SIPA1L2: variants seen among roughly 807,000 people sequenced by gnomAD.
The protein encoded by SIPA1L2 is signal induced proliferation associated 1 like 2, also known as signal-induced proliferation-associated 1-like protein 2.
SIPA1L2 carries 56 observed loss-of-function variants against 163.9 expected under a neutral mutation model. The observed-to-expected ratio is 0.34, with a 90% CI of 0.28 to 0.43. The LOEUF (loss-of-function observed/expected upper bound fraction) is 0.43. Ranked by LOEUF, SIPA1L2 falls within the 20% of genes least tolerant of loss-of-function variation. The probability of loss-of-function intolerance (pLI) is 1.00; values close to 1 mark genes in which losing one functional copy is unlikely to be tolerated. For missense variants in SIPA1L2, 1,974 were observed against 2,193.5 expected (o/e 0.90, Z 2.00); for synonymous variants, 877 against 865.7 (o/e 1.01, Z -0.23).
chr1:232,585,268 C>T (rs1660594378), intron 1 of SIPA1L2, among the ~76,000 whole-genome samples: 2 of 152,164 alleles, frequency 1.3e-5, no homozygotes, highest in Non-Finnish European at 2.9e-5. Flanking sequence ...CCAAAGATGA[C>T]AGTTCTATAA....
rs1447795099 is a variant in SIPA1L2, at chr1:232,465,531, C to T, written c.2244-115G>A. 4 of 848,006 alleles carry T rather than the reference C, an allele frequency of 4.7e-6. No homozygotes were observed. The Admixed American group carries it at 8.6e-5, about 18-fold the overall frequency. The allele number at this position is 848,006 out of a possible 1,614,324, so 52.5% of individuals were successfully genotyped here. A position where few individuals can be genotyped will look rare whatever the true frequency, so the allele number is the denominator to read the frequency against. On this transcript the variant is annotated intron_variant, in intron 8 of 22. Coordinates refer to ENST00000674635, the MANE Select transcript of SIPA1L2 (RefSeq NM_020808.5). This position sits in a 1 kb window ranked among gnomAD's most constrained non-coding sequence, Gnocchi z 4.1. Reference sequence around the variant, plus strand: ...ACACATATACATACACACACACACACACATATACATACACACATACACACA... The same window carrying T: ...ACACATATACATACACACACACACATACATATACATACACACATACACACA...
intron 2 of SIPA1L2, among the ~76,000 whole-genome samples, chr1:232,543,194 T>C (rs1362441457): frequency 6.6e-6 from 1 of 152,218 alleles, no homozygotes; most frequent in African/African-American, 2.4e-5. Flanking sequence ...GCTACTATCC[T>C]TACTGTACTT....
At chr1:232,622,546 T>C (rs1454828659) in intron 1 of SIPA1L2, among the ~76,000 whole-genome samples, 1 of 152,244 alleles carries the variant, frequency 6.6e-6, no homozygotes, top group Non-Finnish European at 1.5e-5. Context: ...AATAGGGCTA[T>C]GCAGGCATCA....
At chr1:232,480,154 C>CGTGTGTGTGCGTGTGT (rs1553296473) in intron 6 of SIPA1L2, among the ~76,000 whole-genome samples, 3 of 132,740 alleles carry the variant, frequency 2.3e-5, no homozygotes, top group African/African-American at 6.0e-5. Flanking sequence ...TGTGTGTGTG[C>CGTGTGTGTGCGTGTGT]GTGTGTGTGT....
intron 2 of SIPA1L2, among the ~76,000 whole-genome samples, chr1:232,522,161 C>T (rs1667486397): frequency 6.6e-6 from 1 of 152,182 alleles, no homozygotes; most frequent in Non-Finnish European, 1.5e-5. Context: ...GAACCACTAT[C>T]ATAGTTCTCC....
chr1:232,414,601 G>A (rs971084057), intron 19 of SIPA1L2, among the ~76,000 whole-genome samples: 8 of 149,270 alleles, frequency 5.4e-5, no homozygotes, highest in Non-Finnish European at 1.2e-4. Flanking sequence ...AGGATGCTGT[G>A]ACTCAGTTAC....
At chr1:232,480,704 T>C (rs1665303244) in intron 6 of SIPA1L2, among the ~76,000 whole-genome samples, 1 of 152,230 alleles carries the variant, frequency 6.6e-6, no homozygotes, top group Non-Finnish European at 1.5e-5. Context: ...TCTTGATCTA[T>C]ACAGTCTTAT....
chr1:232,558,699 C>T (rs1341438559), intron 2 of SIPA1L2, among the ~76,000 whole-genome samples: 1 of 152,164 alleles, frequency 6.6e-6, no homozygotes, highest in East Asian at 1.9e-4. Flanking sequence ...TCTGGAAGAA[C>T]TAACTGGCAT....
chr1:232,556,644 G>A (rs1658722531), intron 2 of SIPA1L2, among the ~76,000 whole-genome samples: 1 of 152,008 alleles, frequency 6.6e-6, no homozygotes, highest in African/African-American at 2.4e-5. Flanking sequence ...TGTGTCTTCG[G>A]GAGCTGTTAT....
chr1:232,436,378 T>G (rs77951049), intron 15 of SIPA1L2, among the ~76,000 whole-genome samples: 1,719 of 152,120 alleles, frequency 0.011, 33 homozygotes, highest in African/African-American at 0.039. Context: ...TATTTAGGGG[T>G]GGGTGCTGTG....
rs1174051180 is a variant in SIPA1L2 at position 232,493,584 on chromosome 1, A to G, written c.1560T>C (p.Asp520=). ...AVSIRREKVE[D]AKEKEGSQFN... ...ACTGGGATCCTTCTTTCTCCTTGGCATCTTCCACCTTCTCTCTCCGGATGC... is the reference window on the plus strand; with the variant it reads ...ACTGGGATCCTTCTTTCTCCTTGGCGTCTTCCACCTTCTCTCTCCGGATGC... The change falls in exon 4 of 23, where the codon GAT becomes GAC. Residue 520 remains aspartate (D), a synonymous_variant. Transcript: ENST00000674635. 9 of 1,614,104 alleles carry G rather than the reference A, an allele frequency of 5.6e-6. No individual in the cohort carries two copies. The highest frequency in any genetic ancestry group is 7.6e-6 in the Non-Finnish European group (9 of 1,180,022).
intron 2 of SIPA1L2, among the ~76,000 whole-genome samples, chr1:232,544,889 G>A (rs976347327): frequency 6.6e-6 from 1 of 152,170 alleles, no homozygotes; most frequent in Non-Finnish European, 1.5e-5. Flanking sequence ...GGGGGTCACT[G>A]TATATGGGCA....
chr1:232,627,806 T>C (rs2102900247), intron 1 of SIPA1L2, among the ~76,000 whole-genome samples: 1 of 152,316 alleles, frequency 6.6e-6, no homozygotes, highest in South Asian at 2.1e-4. Context: ...CCGGATCAAG[T>C]GCTTACACTG....
chr1:232,423,673 C>T (rs901896429), intron 18 of SIPA1L2, among the ~76,000 whole-genome samples: 1 of 152,174 alleles, frequency 6.6e-6, no homozygotes, highest in Non-Finnish European at 1.5e-5. Flanking sequence ...TCAGCTAGGA[C>T]AGTGAATGAA....
chr1:232,483,828 C>G lies in SIPA1L2; in HGVS notation c.1945G>C (p.Gly649Arg). 1 of 1,614,006 alleles carries G rather than the reference C, an allele frequency of 6.2e-7. No homozygotes were observed. Among genetic ancestry groups the G allele is most frequent in the Non-Finnish European group, 8.5e-7 (1 of 1,179,928 alleles). ...DLLGQRVRLKGFSKYRAQLDN... is the reference protein window; with the variant it reads ...DLLGQRVRLKRFSKYRAQLDN... Reference sequence around the variant, plus strand: ...AGCTGAGCTCGATATTTACTAAATCCTTTCAGTCGGACTCTCTGGCCCAGA... The same window carrying G: ...AGCTGAGCTCGATATTTACTAAATCGTTTCAGTCGGACTCTCTGGCCCAGA... Residue 649 changes from glycine to arginine, a missense_variant, in exon 6 of 23, where the codon GGA (glycine) becomes CGA (arginine). Gly to Arg is a moderately radical substitution (Grantham distance 125). Transcript: ENST00000674635.
chr1:232,400,613 T>C (rs1256958477), intron 22 of SIPA1L2, among the ~76,000 whole-genome samples: 1 of 152,166 alleles, frequency 6.6e-6, no homozygotes, highest in Non-Finnish European at 1.5e-5. Flanking sequence ...CCCTCCTGGC[T>C]GCAATTATCT....
At chr1:232,482,911 C>A (rs1353851268) in intron 6 of SIPA1L2, among the ~76,000 whole-genome samples, 1 of 152,204 alleles carries the variant, frequency 6.6e-6, no homozygotes, top group African/African-American at 2.4e-5. Flanking sequence ...TCCTTCAGAT[C>A]CTCCAAGTTT....
chr1:232,581,067 A>G (rs1419569233), intron 1 of SIPA1L2, among the ~76,000 whole-genome samples: 2 of 152,094 alleles, frequency 1.3e-5, no homozygotes, highest in Non-Finnish European at 2.9e-5. Context: ...CATGTTCCTG[A>G]CCTGGGCTAA....
chr1:232,618,080 T>A (rs1662599544), intron 1 of SIPA1L2, among the ~76,000 whole-genome samples: 1 of 152,184 alleles, frequency 6.6e-6, no homozygotes, highest in Non-Finnish European at 1.5e-5. Flanking sequence ...ATTTTCAGCT[T>A]TTCTGTAAGA....
Sources: allele counts gnomAD v4.1 joint callset (sites outside exome capture counted in the v4.1 genomes callset), GRCh38; gene constraint gnomAD v4.1.1; non-coding constraint Gnocchi (gnomAD v3.1); transcripts MANE v1.5; gene names NCBI Gene and HGNC (gene_info 2026-07-23, HGNC 2026-07-21).